NPAS3: variants seen among roughly 807,000 people sequenced by gnomAD.
NPAS3 encodes neuronal PAS domain protein 3.
In NPAS3, 14 loss-of-function variants were observed where a neutral mutation model predicts 73.1. That is an observed-to-expected ratio of 0.19 (90% CI 0.13 to 0.30). The LOEUF is 0.30. NPAS3 is among the 10% of genes least tolerant of loss of function. NPAS3 has a pLI of 1.00. For synonymous variants in NPAS3, 620 were observed against 541.5 expected, an observed-to-expected ratio of 1.14 and a Z score of -2.01; for missense variants, 1,096 against 1,250.0, an observed-to-expected ratio of 0.88 and a Z score of 1.86.
intron 3 of NPAS3, among the ~76,000 whole-genome samples, chr14:33,238,755 G>A (rs1042865937): frequency 2.0e-5 from 3 of 151,952 alleles, no homozygotes; most frequent in Admixed American, 6.6e-5. Flanking sequence ...ATTTGTGGTA[G>A]TGAATTTAGT....
At chr14:33,351,038 T>C (rs28433677) in intron 3 of NPAS3, among the ~76,000 whole-genome samples, 169 of 152,316 alleles carry the variant, frequency 1.1e-3, no homozygotes, top group African/African-American at 3.6e-3. Flanking sequence ...TTTAATAGAC[T>C]CTATACAAGC....
At chr14:33,246,598 G>A (rs2048392057) in intron 3 of NPAS3, among the ~76,000 whole-genome samples, 1 of 150,750 alleles carries the variant, frequency 6.6e-6, no homozygotes, top group African/African-American at 2.4e-5. Context: ...TATCTTCAGA[G>A]CTTTGATTCT....
chr14:33,349,267 A>G (rs12433158), intron 3 of NPAS3, among the ~76,000 whole-genome samples: 57,360 of 152,082 alleles, frequency 0.38, 11,064 homozygotes, highest in Admixed American at 0.5. Flanking sequence ...CTGTTAAAAA[A>G]CAGTTTCGTC....
intron 5 of NPAS3, among the ~76,000 whole-genome samples, chr14:33,660,175 C>T (rs920804641): frequency 3.3e-5 from 5 of 152,152 alleles, no homozygotes; most frequent in African/African-American, 7.2e-5. Context: ...CCCATTGCTT[C>T]GGTGATGCCA....
intron 4 of NPAS3, among the ~76,000 whole-genome samples, chr14:33,448,594 T>C (rs1375091075): frequency 1.3e-5 from 2 of 152,196 alleles, no homozygotes; most frequent in Non-Finnish European, 2.9e-5. Context: ...CTGATGATCA[T>C]TGTTCCTATT....
At chr14:33,235,981 G>A (rs1282227419) in intron 3 of NPAS3, among the ~76,000 whole-genome samples, 2 of 151,410 alleles carry the variant, frequency 1.3e-5, no homozygotes, top group East Asian at 1.9e-4. Flanking sequence ...TTGTAGACAC[G>A]GGGTCTCACA....
chr14:33,787,650 A>G (rs1386093355), intron 9 of NPAS3, among the ~76,000 whole-genome samples: 1 of 152,164 alleles, frequency 6.6e-6, no homozygotes, highest in Admixed American at 6.5e-5. Context: ...CTGCTATTTA[A>G]GACATCTAGC....
At chr14:33,139,306 C>T (rs1298971209) in intron 2 of NPAS3, among the ~76,000 whole-genome samples, 25 of 152,160 alleles carry the variant, frequency 1.6e-4, no homozygotes, top group Admixed American at 1.6e-3. Context: ...TGGCTTCCTC[C>T]CATTGCACCA....
chr14:33,705,090 TA>T (rs2060621398), intron 6 of NPAS3, among the ~76,000 whole-genome samples: 1 of 152,230 alleles, frequency 6.6e-6, no homozygotes, highest in African/African-American at 2.4e-5. Context: ...CCCTCATTTT[TA>T]TTTGTTTGTT....
At position 33,457,187 on chromosome 14, in the gene NPAS3, A is replaced by G. The variant is rs113106449; in HGVS notation, c.468+89919A>G. On this transcript the variant is annotated intron_variant, in intron 4 of 11. Transcript: ENST00000356141. The stretch of plus-strand genomic sequence containing the variant: ...TGTGTCATTCTCTCTCAGCATAGGA[A>G]AAAGTGTTCTGTATCCTGGATACAA... Among the ~76,000 whole-genome samples the G allele has an allele frequency of 1.6e-3, 250 of 152,336 alleles. 1 individual carries two copies. The highest frequency in any genetic ancestry group is 5.8e-3 in the African/African-American group (240 of 41,580).
At chr14:33,765,814 C>T (rs1013843291) in intron 7 of NPAS3, among the ~76,000 whole-genome samples, 4 of 152,120 alleles carry the variant, frequency 2.6e-5, no homozygotes, top group Non-Finnish European at 4.4e-5. Flanking sequence ...GATGGTATGT[C>T]CTGCCAGCCA....
intron 1 of NPAS3, among the ~76,000 whole-genome samples, chr14:32,992,980 C>A (rs1364802274): frequency 6.6e-6 from 1 of 151,994 alleles, no homozygotes; most frequent in East Asian, 1.9e-4. Context: ...CATGGTGAAA[C>A]CCTGTCTCTA....
intron 3 of NPAS3, among the ~76,000 whole-genome samples, chr14:33,323,108 A>G (rs946332880): frequency 2.0e-5 from 3 of 151,862 alleles, no homozygotes; most frequent in African/African-American, 7.3e-5. Context: ...TGGCACATAT[A>G]GGTACTCAAT....
intron 2 of NPAS3, among the ~76,000 whole-genome samples, chr14:33,074,806 A>C (rs1290212942): frequency 1.3e-5 from 2 of 152,190 alleles, no homozygotes; most frequent in Non-Finnish European, 2.9e-5. Flanking sequence ...TTCTGTGATT[A>C]GTATGCATTT....
intron 4 of NPAS3, among the ~76,000 whole-genome samples, chr14:33,397,860 A>T (rs2047289080): frequency 6.6e-6 from 1 of 151,994 alleles, no homozygotes; most frequent in South Asian, 2.1e-4. Flanking sequence ...GATGCTTTTG[A>T]TGCCAGCTCT....
intron 4 of NPAS3, among the ~76,000 whole-genome samples, chr14:33,556,696 G>C (rs1339500349): frequency 1.3e-5 from 2 of 152,176 alleles, no homozygotes; most frequent in Non-Finnish European, 2.9e-5. Flanking sequence ...TTTAATCCTG[G>C]CTCTGCCACT....
chr14:33,047,331 C>T (rs1370525161), intron 1 of NPAS3, among the ~76,000 whole-genome samples: 2 of 152,102 alleles, frequency 1.3e-5, no homozygotes, highest in African/African-American at 4.8e-5. Flanking sequence ...ATATGTGATA[C>T]CCACCCAGCT....
chr14:33,541,095 A>T, intron 4 of NPAS3, among the ~76,000 whole-genome samples: 3 of 57,178 alleles, frequency 5.2e-5, no homozygotes, highest in African/African-American at 1.5e-4. Flanking sequence ...GTATGTTTAG[A>T]GGTGTGTGTG....
At position 32,987,975 on chromosome 14, in the gene NPAS3, C is replaced by G. The variant is rs2038164041; in HGVS notation, c.50+48609C>G. On this transcript the variant is annotated intron_variant, in intron 1 of 11. Transcript: ENST00000356141. ...TATTTCCTTTTTAACTATTGGTATCCTTATAAAGTTAATTATTGTTATTAA... is the reference window on the plus strand; with the variant it reads ...TATTTCCTTTTTAACTATTGGTATCGTTATAAAGTTAATTATTGTTATTAA... Among the ~76,000 whole-genome samples the G allele has an allele frequency of 3.3e-5, 5 of 152,072 alleles. No homozygotes were observed. The South Asian group carries it at 1.0e-3, about 32-fold the overall frequency.
Sources: allele counts gnomAD v4.1 joint callset (sites outside exome capture counted in the v4.1 genomes callset), GRCh38; gene constraint gnomAD v4.1.1; transcripts MANE v1.5; gene names NCBI Gene and HGNC (gene_info 2026-07-23, HGNC 2026-07-21).